ST8SIA1: variants seen among roughly 807,000 people sequenced by gnomAD.
ST8SIA1 encodes ST8 alpha-N-acetyl-neuraminide alpha-2,8-sialyltransferase 1.
ST8SIA1 carries 16 observed loss-of-function variants against 35.9 expected under a neutral mutation model. The observed-to-expected ratio is 0.45, with a 90% confidence interval of 0.30 to 0.68. ST8SIA1 has a LOEUF of 0.68. Among genes scored for constraint, ST8SIA1 ranks in the 30% least tolerant of loss-of-function variants. ST8SIA1 has a pLI of 0.09. For missense variants in ST8SIA1, 383 were observed against 453.6 expected (o/e 0.84, Z 1.41); for synonymous variants, 170 against 169.6 (o/e 1.00, Z -0.02).
intron 1 of ST8SIA1, among the ~76,000 whole-genome samples, chr12:22,303,454 T>C (rs781585461): frequency 6.6e-6 from 1 of 152,164 alleles, no homozygotes; most frequent in South Asian, 2.1e-4. Context: ...ATTTGAGATT[T>C]TTCCTGCTTC....
intron 4 of ST8SIA1, among the ~76,000 whole-genome samples, chr12:22,213,153 CCCAA>C (rs1182425347): frequency 4.6e-5 from 7 of 152,234 alleles, no homozygotes; most frequent in Admixed American, 3.3e-4. Context: ...TGATTTCATT[CCCAA>C]CCAATCAGCC....
chr12:22,293,970 C>A (rs572651451), intron 1 of ST8SIA1, among the ~76,000 whole-genome samples: 97 of 152,122 alleles, frequency 6.4e-4, no homozygotes, highest in African/African-American at 2.1e-3. Flanking sequence ...GAGTTTGGGC[C>A]AGCATATGCT....
chr12:22,273,386 A>G (rs1865934205), intron 2 of ST8SIA1, among the ~76,000 whole-genome samples: 1 of 152,114 alleles, frequency 6.6e-6, no homozygotes, highest in Non-Finnish European at 1.5e-5. Flanking sequence ...AATACAAGCT[A>G]CCTATTCTGA....
chr12:22,226,040 A>T (rs747322942), intron 4 of ST8SIA1, among the ~76,000 whole-genome samples: 38 of 152,212 alleles, frequency 2.5e-4, no homozygotes, highest in Non-Finnish European at 5.0e-4. Context: ...TTGAATTACT[A>T]TCAGTATCTT....
At chr12:22,250,387 T>A (rs530118432) in intron 3 of ST8SIA1, among the ~76,000 whole-genome samples, 272 of 152,314 alleles carry the variant, frequency 1.8e-3, no homozygotes, top group Non-Finnish European at 3.0e-3. Context: ...TTCAAAAATA[T>A]CACAGGTCAG....
chr12:22,314,512 G>GA (rs1170520307), intron 1 of ST8SIA1, among the ~76,000 whole-genome samples: 6 of 151,880 alleles, frequency 4.0e-5, no homozygotes, highest in Non-Finnish European at 7.4e-5. Context: ...AAAATTTAAA[G>GA]AAAAAAATGG....
intron 2 of ST8SIA1, among the ~76,000 whole-genome samples, chr12:22,266,198 T>C (rs1324277046): frequency 2.0e-5 from 3 of 151,868 alleles, no homozygotes; most frequent in African/African-American, 7.3e-5. Context: ...CCTTAAGATC[T>C]ATGAAGGGTC....
intron 4 of ST8SIA1, among the ~76,000 whole-genome samples, chr12:22,232,695 C>T (rs1284216899): frequency 2.0e-5 from 3 of 151,914 alleles, no homozygotes; most frequent in South Asian, 2.1e-4. Context: ...TAAAATAGGC[C>T]GGACATGGTG....
intron 1 of ST8SIA1, chr12:22,325,767 A>C: frequency 1.5e-6 from 1 of 656,230 alleles, no homozygotes; most frequent in Non-Finnish European, 2.7e-6. Flanking sequence ...ATAATAACTA[A>C]TAATAAAATA....
Position 22,222,758 on chromosome 12 carries a change from TTAAG to T in ST8SIA1, c.585-20724_585-20721del, listed in dbSNP as rs1212637140. On this transcript the variant is annotated intron_variant, in intron 4 of 4. Coordinates refer to ENST00000396037, the MANE Select transcript of ST8SIA1 (RefSeq NM_003034.4). Reference sequence around the variant, plus strand: ...AAATTAGTTTCTTTACATTTTAATATTAAGTAAGATTCTAAATAGTCATATACTT... The same window carrying T: ...AAATTAGTTTCTTTACATTTTAATATTAAGATTCTAAATAGTCATATACTT... 4.3e-4 allele frequency among the ~76,000 whole-genome samples: 66 copies of T among 152,176 alleles called. 1 individual carries two copies. The highest frequency in any genetic ancestry group is 1.7e-3 in the South Asian group (8 of 4,826).
At chr12:22,297,518 A>G (rs1046973458) in intron 1 of ST8SIA1, among the ~76,000 whole-genome samples, 1 of 152,058 alleles carries the variant, frequency 6.6e-6, no homozygotes, top group African/African-American at 2.4e-5. Flanking sequence ...AACCATTTTC[A>G]CAGAATGGAA....
At chr12:22,295,133 AAAAT>A (rs2135821305) in intron 1 of ST8SIA1, among the ~76,000 whole-genome samples, 1 of 152,308 alleles carries the variant, frequency 6.6e-6, no homozygotes, top group East Asian at 1.9e-4. Flanking sequence ...TCAGGAAAAC[AAAAT>A]AAATAATTTA....
chr12:22,320,247 G>A (rs568209300), intron 1 of ST8SIA1, among the ~76,000 whole-genome samples: 7 of 152,256 alleles, frequency 4.6e-5, no homozygotes, highest in East Asian at 1.9e-4. Context: ...AGACTTATCC[G>A]GGGAATAAGT....
intron 4 of ST8SIA1, among the ~76,000 whole-genome samples, chr12:22,227,820 A>G (rs775193537): frequency 6.6e-6 from 1 of 152,142 alleles, no homozygotes; most frequent in African/African-American, 2.4e-5. Flanking sequence ...CCAAGTCCTG[A>G]GCCTGGTTTC....
At chr12:22,273,830 A>G (rs555974144) in intron 2 of ST8SIA1, among the ~76,000 whole-genome samples, 1 of 152,320 alleles carries the variant, frequency 6.6e-6, no homozygotes, top group Admixed American at 6.5e-5. Flanking sequence ...ACTGAGACAC[A>G]TAACTCCCTA....
chr12:22,215,792 T>C (rs992175298), intron 4 of ST8SIA1, among the ~76,000 whole-genome samples: 4 of 152,226 alleles, frequency 2.6e-5, no homozygotes, highest in Non-Finnish European at 5.9e-5. Context: ...CTCTTAAGTT[T>C]ACCTTTCCAT....
chr12:22,231,466 G>A (rs370630475), intron 4 of ST8SIA1, among the ~76,000 whole-genome samples: 208 of 152,174 alleles, frequency 1.4e-3, no homozygotes, highest in African/African-American at 4.7e-3. Context: ...GCCCATGTGG[G>A]AAGAAAATGC....
chr12:22,296,298 G>T (rs1866242945), intron 1 of ST8SIA1, among the ~76,000 whole-genome samples: 1 of 152,152 alleles, frequency 6.6e-6, no homozygotes, highest in Non-Finnish European at 1.5e-5. Context: ...AGATCCTCAA[G>T]AATAAATCCA....
At chr12:22,257,633 G>A (rs181811854) in intron 2 of ST8SIA1, among the ~76,000 whole-genome samples, 1 of 151,914 alleles carries the variant, frequency 6.6e-6, no homozygotes, top group Non-Finnish European at 1.5e-5. Flanking sequence ...AACCCCTGGT[G>A]CAGAGACCCT....
Sources: allele counts gnomAD v4.1 joint callset (sites outside exome capture counted in the v4.1 genomes callset), GRCh38; gene constraint gnomAD v4.1.1; transcripts MANE v1.5; gene names NCBI Gene and HGNC (gene_info 2026-07-23, HGNC 2026-07-21).